Variants in SORCS3 observed in about 807,000 individuals in gnomAD.
SORCS3 encodes the protein sortilin related VPS10 domain containing receptor 3.
SORCS3 carries 57 observed loss-of-function variants against 146.3 expected under a neutral mutation model. The observed-to-expected ratio is 0.39, with a 90% CI of 0.31 to 0.49. The LOEUF is 0.49. SORCS3 is among the 20% of genes least tolerant of loss of function. The pLI is 0.92. For synonymous variants in SORCS3, 653 were observed against 618.5 expected (o/e 1.06, Z -0.83); for missense variants, 1,341 against 1,575.5 (o/e 0.85, Z 2.52).
intron 4 of SORCS3, among the ~76,000 whole-genome samples, chr10:105,035,621 C>T (rs372342470): frequency 1.3e-5 from 2 of 151,906 alleles, no homozygotes; most frequent in Non-Finnish European, 2.9e-5. Flanking sequence ...GTGCCCGCCA[C>T]CAGGCCTGGC....
chr10:105,260,129 A>G (rs1364350174), intron 25 of SORCS3, among the ~76,000 whole-genome samples: 1 of 152,220 alleles, frequency 6.6e-6, no homozygotes, highest in East Asian at 1.9e-4. Flanking sequence ...CAGTTTTTAG[A>G]TGTGTTATTT....
At chr10:105,163,156 A>G (rs2056281075) in intron 11 of SORCS3, among the ~76,000 whole-genome samples, 1 of 152,126 alleles carries the variant, frequency 6.6e-6, no homozygotes, top group Admixed American at 6.6e-5. Flanking sequence ...CTTGAGTCTC[A>G]AAACAAGTTG....
intron 7 of SORCS3, among the ~76,000 whole-genome samples, chr10:105,125,676 TATCCAC>T (rs1299085397): frequency 3.7e-4 from 5 of 13,548 alleles, no homozygotes; most frequent in East Asian, 3.2e-3. Context: ...CATCACTGAA[TATCCAC>T]ACACACACAC....
At chr10:105,151,222 A>G (rs2056165443) in intron 9 of SORCS3, among the ~76,000 whole-genome samples, 1 of 152,160 alleles carries the variant, frequency 6.6e-6, no homozygotes, top group Admixed American at 6.5e-5. Context: ...AATTGTTGGA[A>G]ATAAGAAGAG....
intron 2 of SORCS3, among the ~76,000 whole-genome samples, chr10:104,889,121 C>CT (rs919439436): frequency 6.6e-6 from 1 of 151,268 alleles, no homozygotes; most frequent in Non-Finnish European, 1.5e-5. Context: ...TTAAGCTTTT[C>CT]TTTTTTTTAT....
intron 5 of SORCS3, among the ~76,000 whole-genome samples, chr10:105,056,757 T>C (rs1309668633): frequency 1.3e-5 from 2 of 152,224 alleles, no homozygotes; most frequent in Non-Finnish European, 2.9e-5. Context: ...AATGTACATT[T>C]TTTGAAACCA....
intron 4 of SORCS3, among the ~76,000 whole-genome samples, chr10:104,979,407 A>G (rs1009146820): frequency 1.3e-5 from 2 of 152,220 alleles, no homozygotes; most frequent in African/African-American, 4.8e-5. Flanking sequence ...ATGTTGTGGA[A>G]TCAATCAGTG....
intron 2 of SORCS3, among the ~76,000 whole-genome samples, chr10:104,875,050 C>T (rs2018557157): frequency 6.6e-6 from 1 of 152,126 alleles, no homozygotes. Context: ...TACATGATGT[C>T]TTCCATTTTC....
intron 1 of SORCS3, among the ~76,000 whole-genome samples, chr10:104,780,285 A>G (rs1311540269): frequency 6.6e-6 from 1 of 152,068 alleles, no homozygotes; most frequent in African/African-American, 2.4e-5. Flanking sequence ...CACTGTAATT[A>G]TAATAATAAT....
At chr10:105,170,973 G>T (rs1564774363) in intron 13 of SORCS3, among the ~76,000 whole-genome samples, 2 of 152,064 alleles carry the variant, frequency 1.3e-5, no homozygotes, top group African/African-American at 2.4e-5. Flanking sequence ...AGGAAGATAG[G>T]TTAGGTAATC....
chr10:104,884,803 A>C (rs1275916210), intron 2 of SORCS3, among the ~76,000 whole-genome samples: 1 of 152,020 alleles, frequency 6.6e-6, no homozygotes, highest in Non-Finnish European at 1.5e-5. Flanking sequence ...GGTACCCATC[A>C]GCAAAGCTCT....
intron 13 of SORCS3, among the ~76,000 whole-genome samples, chr10:105,177,348 G>A (rs2056412844): frequency 2.0e-5 from 3 of 152,270 alleles, no homozygotes; most frequent in Admixed American, 2.0e-4. Flanking sequence ...ATGGTCCTTG[G>A]GCTATGCCCC....
chr10:104,661,706 T>TTA (rs1200840963), intron 1 of SORCS3, among the ~76,000 whole-genome samples: 1 of 141,904 alleles, frequency 7.0e-6, no homozygotes, highest in African/African-American at 2.6e-5. Context: ...GATAGACAGA[T>TTA]AGATAGATAG....
At chr10:104,786,569 A>ATAATAATAATAATAATAG (rs2017439095) in intron 1 of SORCS3, among the ~76,000 whole-genome samples, 2 of 149,928 alleles carry the variant, frequency 1.3e-5, no homozygotes, top group African/African-American at 4.9e-5. Flanking sequence ...AATAATAATA[A>ATAATAATAATAATAATAG]TAATAATAGT....
chr10:104,751,902 A>T (rs2016987959), intron 1 of SORCS3, among the ~76,000 whole-genome samples: 1 of 131,548 alleles, frequency 7.6e-6, no homozygotes, highest in Non-Finnish European at 1.6e-5. Flanking sequence ...CTCACTTAAA[A>T]AATGTAAATG....
chr10:104,941,660 G>T (rs973145999), intron 3 of SORCS3, among the ~76,000 whole-genome samples: 1 of 152,184 alleles, frequency 6.6e-6, no homozygotes, highest in African/African-American at 2.4e-5. Context: ...AAACTTTCAG[G>T]ATTTGGACTC....
chr10:105,248,914 C>G, intron 22 of SORCS3, among the ~76,000 whole-genome samples: 1 of 152,018 alleles, frequency 6.6e-6, no homozygotes, highest in South Asian at 2.1e-4. Context: ...GAAAAGTATT[C>G]TTTTTTTTAT....
At chr10:104,685,632 C>G (rs985993981) in intron 1 of SORCS3, among the ~76,000 whole-genome samples, 1 of 152,188 alleles carries the variant, frequency 6.6e-6, no homozygotes, top group Non-Finnish European at 1.5e-5. Flanking sequence ...CCCTGGCCCA[C>G]CTTCCCCATC....
intron 14 of SORCS3, among the ~76,000 whole-genome samples, chr10:105,186,823 G>T (rs931128991): frequency 6.7e-6 from 1 of 149,754 alleles, no homozygotes; most frequent in South Asian, 2.1e-4. Flanking sequence ...GGCAGAAGTT[G>T]CAGTGAGCCG....
Sources: allele counts gnomAD v4.1 joint callset (sites outside exome capture counted in the v4.1 genomes callset), GRCh38; gene constraint gnomAD v4.1.1; transcripts MANE v1.5; gene names NCBI Gene and HGNC (gene_info 2026-07-23, HGNC 2026-07-21).